Variants in C13orf42 observed in about 807,000 individuals in gnomAD.
C13orf42 encodes the protein uncharacterized protein C13orf42.
intron 1 of C13orf42, among the ~76,000 whole-genome samples, chr13:51,116,419 A>T (rs1162682969): frequency 1.3e-5 from 2 of 152,248 alleles, no homozygotes; most frequent in Non-Finnish European, 2.9e-5. Flanking sequence ...GGTGCCTGTT[A>T]TCAGACCTCT....
In C13orf42 at chr13:51,153,722, A is replaced by C. The variant is rs569211720; in HGVS notation, n.136+18531T>G. Among the ~76,000 whole-genome samples the C allele has an allele frequency of 3.6e-4, 51 of 140,884 alleles. 1 individual carries two copies. Among genetic ancestry groups the C allele is most frequent in the South Asian group, 3.5e-3 (16 of 4,514 alleles). 92.4% of individuals were successfully genotyped at this position (140,884 alleles called of 152,430 possible). On this transcript the variant is annotated intron_variant and non_coding_transcript_variant, in intron 1 of 4. Coordinates refer to the C13orf42 transcript ENST00000433280. Reference sequence around the variant, plus strand: ...TGATGCAATCTCTCAGCTCACTGCAACCTCCGTCTCCTGAGCTCAAGTGAT... The same window carrying C: ...TGATGCAATCTCTCAGCTCACTGCACCCTCCGTCTCCTGAGCTCAAGTGAT...
intron 1 of C13orf42, among the ~76,000 whole-genome samples, chr13:51,091,852 G>C (rs12429515): frequency 0.016 from 2,458 of 152,178 alleles, 87 homozygotes; most frequent in Admixed American, 0.082. Context: ...AGAACACAGG[G>C]GACATGACAC....
At position 51,157,293 on chromosome 13, in the gene C13orf42, G is replaced by A. The variant is rs1953831444; in HGVS notation, n.136+14960C>T. ...TACTAAAAATACAAAAATTAGCTGAGCGCAGTGGTGTGCACGTGTAGTCCC... is the reference window on the plus strand; with the variant it reads ...TACTAAAAATACAAAAATTAGCTGAACGCAGTGGTGTGCACGTGTAGTCCC... On this transcript the variant is annotated intron_variant and non_coding_transcript_variant, in intron 1 of 4. Transcript: ENST00000433280. 3.3e-5 allele frequency among the ~76,000 whole-genome samples: 5 copies of A among 152,150 alleles called. 1 individual carries two copies. The South Asian group carries it at 1.0e-3, about 32-fold the overall frequency.
chr13:51,097,420 C>G (rs1398109539), intron 1 of C13orf42, among the ~76,000 whole-genome samples: 1 of 152,104 alleles, frequency 6.6e-6, no homozygotes, highest in African/African-American at 2.4e-5. Flanking sequence ...TTAAAGGTCA[C>G]CAAATGGATT....
intron 1 of C13orf42, among the ~76,000 whole-genome samples, chr13:51,092,626 GA>G (rs1289858163): frequency 6.6e-6 from 1 of 151,620 alleles, no homozygotes; most frequent in Non-Finnish European, 1.5e-5. Context: ...TTCCATAAAA[GA>G]AATTATATTT....
chr13:51,090,426 T>C (rs886460065), intron 1 of C13orf42, among the ~76,000 whole-genome samples: 1 of 152,170 alleles, frequency 6.6e-6, no homozygotes, highest in African/African-American at 2.4e-5. Flanking sequence ...AGCCATTCTT[T>C]GGCTGACCCA....
At chr13:51,151,231 T>C (rs1161538592) in intron 1 of C13orf42, among the ~76,000 whole-genome samples, 1 of 152,182 alleles carries the variant, frequency 6.6e-6, no homozygotes, top group Non-Finnish European at 1.5e-5. Flanking sequence ...TTTTCCAGAT[T>C]ATCTTTCTTA....
At chr13:51,150,491 C>T (rs1387917635) in intron 1 of C13orf42, among the ~76,000 whole-genome samples, 5 of 152,218 alleles carry the variant, frequency 3.3e-5, no homozygotes, top group Non-Finnish European at 7.3e-5. Flanking sequence ...ACTCCTCCGT[C>T]CTGGTCACAA....
upstream of C13orf42, among the ~76,000 whole-genome samples, chr13:51,116,237 AG>A (rs1953490439): frequency 6.6e-6 from 1 of 152,338 alleles, no homozygotes; most frequent in Admixed American, 6.5e-5. Flanking sequence ...CCCATCAGGC[AG>A]AAGGGGCACG....
upstream of C13orf42, among the ~76,000 whole-genome samples, chr13:51,111,815 C>T (rs1476531208): frequency 3.9e-5 from 6 of 152,080 alleles, no homozygotes; most frequent in African/African-American, 4.8e-5. Flanking sequence ...TTGACAGGAG[C>T]TCGCAGATCC....
chr13:51,159,047 G>T (rs753237587), intron 1 of C13orf42, among the ~76,000 whole-genome samples: 1 of 152,188 alleles, frequency 6.6e-6, no homozygotes, highest in Non-Finnish European at 1.5e-5. Context: ...CTCAGGGACT[G>T]ATTAGATGCC....
intron 1 of C13orf42, among the ~76,000 whole-genome samples, chr13:51,166,583 T>TAA (rs1449853794): frequency 7.1e-6 from 1 of 140,892 alleles, no homozygotes; most frequent in Non-Finnish European, 1.6e-5. Context: ...CCCTAAAACT[T>TAA]AAAGTATTAA....
intron 1 of C13orf42, among the ~76,000 whole-genome samples, chr13:51,110,392 G>A: frequency 6.6e-6 from 1 of 152,126 alleles, no homozygotes; most frequent in East Asian, 1.9e-4. Context: ...TCCCCACCGA[G>A]CTGCTCTGTG....
intron 2 of C13orf42, among the ~76,000 whole-genome samples, chr13:51,087,299 G>T (rs1344196478): frequency 1.3e-5 from 2 of 152,194 alleles, no homozygotes; most frequent in Non-Finnish European, 2.9e-5. Context: ...GGTCTGGGCA[G>T]CCACCGTGGG....
At chr13:51,104,186 T>C (rs1755318838) in intron 1 of C13orf42, among the ~76,000 whole-genome samples, 1 of 152,222 alleles carries the variant, frequency 6.6e-6, no homozygotes, top group Non-Finnish European at 1.5e-5. Context: ...AACAATACTT[T>C]AATAAAGTGT....
At chr13:51,089,668 C>T (rs531559604) in intron 1 of C13orf42, among the ~76,000 whole-genome samples, 1 of 152,014 alleles carries the variant, frequency 6.6e-6, no homozygotes, top group Non-Finnish European at 1.5e-5. Context: ...ATTACCCAGT[C>T]TTGGGTAGGA....
intron 1 of C13orf42, among the ~76,000 whole-genome samples, chr13:51,153,282 C>A (rs1384029933): frequency 6.6e-6 from 1 of 152,062 alleles, no homozygotes; most frequent in African/African-American, 2.4e-5. Flanking sequence ...ACCACTGCCC[C>A]CTTTTCCTGC....
chr13:51,119,749 A>G (rs1953518746), intron 1 of C13orf42, among the ~76,000 whole-genome samples: 3 of 152,156 alleles, frequency 2.0e-5, no homozygotes, highest in African/African-American at 7.2e-5. Context: ...AGGGCAGAGG[A>G]GAGGAGAAAA....
chr13:51,096,681 G>T (rs1475040134), intron 1 of C13orf42, among the ~76,000 whole-genome samples: 1 of 152,200 alleles, frequency 6.6e-6, no homozygotes, highest in Non-Finnish European at 1.5e-5. Flanking sequence ...TCCTTGGACT[G>T]TATAAACCAA....
Sources: gnomAD v4.1 joint callset for allele counts (sites outside exome capture counted in the v4.1 genomes callset) on GRCh38, gnomAD v4.1.1 for gene constraint, MANE v1.5 for transcripts, NCBI Gene and HGNC (gene_info 2026-07-23, HGNC 2026-07-21) for gene names.